Variants in SH3GL1 observed in about 807,000 individuals in gnomAD.
SH3GL1 encodes SH3 domain containing GRB2 like 1, endophilin A2, also known as endophilin-A2.
SH3GL1 carries 21 observed loss-of-function variants against 48.8 expected under a neutral mutation model. The observed-to-expected ratio is 0.43, with a 90% CI of 0.30 to 0.62. The LOEUF is 0.62. Among genes scored for constraint, SH3GL1 ranks in the 20% least tolerant of loss-of-function variants. SH3GL1 has a pLI of 0.11. For synonymous variants in SH3GL1, 282 were observed against 217.5 expected (o/e 1.30, Z -2.61); for missense variants, 454 against 503.0 (o/e 0.90, Z 0.93).
At chr19:4,383,591 C>T (rs976766133) in intron 1 of SH3GL1, among the ~76,000 whole-genome samples, 3 of 152,122 alleles carry the variant, frequency 2.0e-5, no homozygotes, top group African/African-American at 7.2e-5. Context: ...AACTCATGGA[C>T]ACGGAGCTAT....
chr19:4,361,520 G>A lies in SH3GL1; in HGVS notation c.*80C>T, dbSNP rs1972610373. The A allele has an allele frequency of 3.5e-6, 4 of 1,142,412 alleles. No homozygotes were observed. Among genetic ancestry groups the A allele is most frequent in the East Asian group, 2.5e-5 (1 of 40,264 alleles). The allele number at this position is 1,142,412 out of a possible 1,614,324, so 70.8% of individuals were successfully genotyped here. A position where few individuals can be genotyped will look rare whatever the true frequency, so the allele number is the denominator to read the frequency against. On this transcript the variant is annotated 3_prime_UTR_variant, in exon 10 of 10. Coordinates refer to ENST00000269886, the MANE Select transcript of SH3GL1 (RefSeq NM_003025.4). ...AGGCTCAGACACCGCCCTGGCAGCA[G>A]GGGCTCCGTGGAATGCAGGAGACCC... is the stretch of plus-strand genomic sequence containing the variant.
intron 3 of SH3GL1, among the ~76,000 whole-genome samples, chr19:4,365,924 C>T (rs1319326264): frequency 3.3e-5 from 5 of 152,246 alleles, no homozygotes; most frequent in African/African-American, 4.8e-5. Context: ...AGGGAGGAGG[C>T]GCAGCAGTGA....
chr19:4,363,721 T>G lies in SH3GL1; in HGVS notation c.623A>C (p.Asp208Ala). ...GATGTGACACCCCGAGCTACTCACG[T>G]CAGTCTCCAGGAGGTTGTGCATGCT... ...ETSMHNLLETDIEQVSQLSAL... is the reference protein window; with the variant it reads ...ETSMHNLLETAIEQVSQLSAL... The change falls in exon 6 of 10, where the codon GAC (aspartate) becomes GCC (alanine). Residue 208 changes from aspartate (D) to alanine (A), a missense_variant and splice_region_variant. Physicochemically the swap from Asp to Ala is moderately radical, Grantham distance 126. Coordinates refer to ENST00000269886, the MANE Select transcript of SH3GL1 (RefSeq NM_003025.4). The G allele has an allele frequency of 3.7e-6, 6 of 1,613,184 alleles. No individual in the cohort carries two copies. The highest frequency in any genetic ancestry group is 5.1e-6 in the Non-Finnish European group (6 of 1,179,980).
chr19:4,382,341 T>C (rs1480245108), intron 1 of SH3GL1, among the ~76,000 whole-genome samples: 8 of 139,516 alleles, frequency 5.7e-5, no homozygotes, highest in African/African-American at 8.0e-5. Context: ...CACTGCAAGC[T>C]CCGCCTCCCG....
intron 1 of SH3GL1, among the ~76,000 whole-genome samples, chr19:4,396,773 G>T (rs1010356373): frequency 6.6e-6 from 1 of 152,146 alleles, no homozygotes; most frequent in African/African-American, 2.4e-5. Context: ...AGGATGTCCA[G>T]CAATATCGTC....
chr19:4,378,849 C>G (rs892750648), intron 1 of SH3GL1, among the ~76,000 whole-genome samples: 2 of 152,236 alleles, frequency 1.3e-5, no homozygotes, highest in Non-Finnish European at 2.9e-5. Flanking sequence ...ACGACACTGC[C>G]TCTGAGCCCA....
chr19:4,381,199 ATCTC>A (rs1184175399), intron 1 of SH3GL1, among the ~76,000 whole-genome samples: 10 of 45,108 alleles, frequency 2.2e-4, no homozygotes, highest in Non-Finnish European at 8.3e-5. Flanking sequence ...TCTCTCTCCC[ATCTC>A]TCTCTGTCCC....
chr19:4,363,226 CA>C, intron 7 of SH3GL1, 143 bp downstream of exon 7: 1 of 695,940 alleles, frequency 1.4e-6, no homozygotes, highest in East Asian at 2.7e-5. Context: ...CGCGGCCCCC[CA>C]GGCCTTTCCA....
chr19:4,395,860 A>C (rs1973415789), intron 1 of SH3GL1: 1 of 151,964 alleles, frequency 6.6e-6, no homozygotes, highest in Non-Finnish European at 1.5e-5. Flanking sequence ...TCAGTAAGCC[A>C]AGATTGCGCC....
chr19:4,364,558 G>A (rs1031143285), intron 4 of SH3GL1: 9 of 327,312 alleles, frequency 2.7e-5, no homozygotes, highest in Non-Finnish European at 4.7e-5. Flanking sequence ...AGCCTCCTGA[G>A]TAAGGGGGAT....
At chr19:4,384,176 G>C (rs77014042) in intron 1 of SH3GL1, among the ~76,000 whole-genome samples, 2 of 152,186 alleles carry the variant, frequency 1.3e-5, no homozygotes, top group Admixed American at 1.3e-4. Flanking sequence ...CAGGCTGGAG[G>C]GGATGTTACA....
chr19:4,385,072 C>T (rs181641337), intron 1 of SH3GL1, among the ~76,000 whole-genome samples: 35 of 150,400 alleles, frequency 2.3e-4, no homozygotes, highest in Middle Eastern at 3.4e-3. Context: ...CCATTGCACT[C>T]CAGCCTGGGT....
intron 1 of SH3GL1, among the ~76,000 whole-genome samples, chr19:4,372,571 G>C (rs1393013607): frequency 6.6e-6 from 1 of 152,136 alleles, no homozygotes; most frequent in Non-Finnish European, 1.5e-5. Context: ...GTGGGAAGAG[G>C]GCAGGGGCAA....
chr19:4,370,569 G>A (rs1972878813), intron 1 of SH3GL1, among the ~76,000 whole-genome samples: 1 of 152,204 alleles, frequency 6.6e-6, no homozygotes, highest in East Asian at 1.9e-4. Flanking sequence ...AGTACCAGCT[G>A]CAAACCCCGA....
intron 3 of SH3GL1, among the ~76,000 whole-genome samples, chr19:4,366,004 G>T (rs1053101599): frequency 2.0e-5 from 3 of 152,190 alleles, no homozygotes; most frequent in African/African-American, 7.2e-5. Flanking sequence ...TCCGCTGCCC[G>T]CTTGGGTCTG....
At chr19:4,380,960 G>A (rs566238467) in intron 1 of SH3GL1, among the ~76,000 whole-genome samples, 3 of 152,240 alleles carry the variant, frequency 2.0e-5, no homozygotes, top group South Asian at 2.1e-4. Context: ...AAAGTGAACC[G>A]GTCCTATTTC....
chr19:4,369,155 C>A lies in SH3GL1; in HGVS notation c.46-2161G>T, dbSNP rs375397258. 2.5e-3 allele frequency among the ~76,000 whole-genome samples: 382 copies of A among 152,354 alleles called. 1 individual carries two copies. The highest frequency in any genetic ancestry group is 8.1e-3 in the African/African-American group (338 of 41,588). Reference sequence around the variant, plus strand: ...CTCTGGCACAGGTGAGAAGCAGGAACTGTCCCTTGCGGGGCAGGAGAGTGG... The same window carrying A: ...CTCTGGCACAGGTGAGAAGCAGGAAATGTCCCTTGCGGGGCAGGAGAGTGG... On this transcript the variant is annotated intron_variant, in intron 1 of 9. Transcript: ENST00000269886.
intron 1 of SH3GL1, among the ~76,000 whole-genome samples, chr19:4,375,440 G>A (rs1972988411): frequency 6.6e-6 from 1 of 152,266 alleles, no homozygotes; most frequent in South Asian, 2.1e-4. Context: ...ACGCCCCAGG[G>A]CTGGGCGAGG....
chr19:4,390,632 A>T (rs1458897899), intron 1 of SH3GL1: 1 of 152,390 alleles, frequency 6.6e-6, no homozygotes, highest in Non-Finnish European at 1.5e-5. Flanking sequence ...AAAAAGAACC[A>T]GAAGAGACCG....
Sources: allele counts gnomAD v4.1 joint callset (sites outside exome capture counted in the v4.1 genomes callset), GRCh38; gene constraint gnomAD v4.1.1; transcripts MANE v1.5; gene names NCBI Gene and HGNC (gene_info 2026-07-23, HGNC 2026-07-21).